The following TIPARP variants were observed in gnomAD, a reference collection of about 807,000 sequenced individuals.
TIPARP encodes protein mono-ADP-ribosyltransferase TIPARP.
TIPARP carries 12 observed loss-of-function variants against 56.5 expected under a neutral mutation model. The ratio of observed to expected loss-of-function variants is 0.21; its 90% CI spans 0.14 to 0.34. The LOEUF (loss-of-function observed/expected upper bound fraction) is 0.34. TIPARP is among the 10% of genes least tolerant of loss of function. The pLI, the probability that TIPARP is intolerant of heterozygous loss-of-function variation, is 1.00. For synonymous variants in TIPARP, 296 were observed against 265.7 expected (o/e 1.11, Z -1.11); for missense variants, 604 against 781.6 (o/e 0.77, Z 2.71).
intron 4 of TIPARP, among the ~76,000 whole-genome samples, chr3:156,698,457 C>CT (rs1468495928): frequency 6.6e-6 from 1 of 152,296 alleles, no homozygotes; most frequent in African/African-American, 2.4e-5. Flanking sequence ...CAACTGGTGA[C>CT]TTTAAGTTGA....
At position 156,694,088 on chromosome 3, in the gene TIPARP, G is replaced by A; in HGVS notation, c.986G>A (p.Arg329Gln). The A allele has an allele frequency of 6.2e-7, 1 of 1,613,308 alleles. No individual in the cohort carries two copies. Residue 329 changes from arginine to glutamine, a missense_variant, in exon 3 of 6, where the codon CGA (arginine) becomes CAA (glutamine). Around this residue, in one of 4 missense-constraint regions of TIPARP, gnomAD observed 252 missense variants for 303.9 expected, o/e 0.83. Coordinates refer to ENST00000295924, the MANE Select transcript of TIPARP (RefSeq NM_015508.5). ...VYETTEFDQL[R>Q]RLSTPPSSNV... ...GAAACAACTGAATTTGACCAACTAC[G>A]AAGGCTGTCCACACCACCCTCTAGC...
chr3:156,695,729 G>A (rs1722695759), intron 3 of TIPARP, 136 bp from the exon 4 acceptor site: 7 of 1,212,594 alleles, frequency 5.8e-6, no homozygotes, highest in South Asian at 1.8e-5. Context: ...AGCATATAAA[G>A]GGAGTTATTT....
Position 156,678,523 on chromosome 3 carries a change from C to T in TIPARP, c.826C>T (p.Gln276Ter). ...YHWQIKRTTT[Q>*]KWQSVFNDSQ... is the part of the protein sequence containing the mutation. ...TTGGCAGATCAAAAGGACAACTACT[C>T]AAAAGTGGCAGAGTGTATTCAATGA... The change falls in exon 2 of 6, where the codon CAA becomes TAA. Residue 276 changes from glutamine (Q) to a stop codon, truncating the protein, a stop_gained. Coordinates refer to ENST00000295924, the MANE Select transcript of TIPARP (RefSeq NM_015508.5). LOFTEE classifies it high-confidence loss of function. 6.2e-7 allele frequency: 1 copy of T among 1,614,134 alleles called. No homozygotes were observed. Among genetic ancestry groups the T allele is most frequent in the Non-Finnish European group, 8.5e-7 (1 of 1,180,016 alleles).
At chr3:156,704,623 A>T in intron 5 of TIPARP, 61 bp from the exon 6 acceptor site, 1 of 1,521,902 alleles carries the variant, frequency 6.6e-7, no homozygotes, top group Non-Finnish European at 8.9e-7. Flanking sequence ...TGACTACATC[A>T]TGCCTGTTAA....
chr3:156,705,577 TC>T lies in TIPARP; in HGVS notation c.*449del, dbSNP rs906594524. On this transcript the variant is annotated 3_prime_UTR_variant, in exon 6 of 6. Coordinates refer to ENST00000295924, the MANE Select transcript of TIPARP (RefSeq NM_015508.5). ...CTGGAACTAGTACTACCATGCGTATTCCCTGTCCAAAGCATCACTGCTTTGG... is the reference window on the plus strand; with the variant it reads ...CTGGAACTAGTACTACCATGCGTATTCCTGTCCAAAGCATCACTGCTTTGG... 3 of 156,644 alleles carry T rather than the reference TC, an allele frequency of 1.9e-5. No homozygotes were observed. The highest frequency in any genetic ancestry group is 7.2e-5 in the African/African-American group (3 of 41,476). 9.7% of individuals were successfully genotyped at this position (156,644 alleles called of 1,614,324 possible). A position where few individuals can be genotyped will look rare whatever the true frequency, so the allele number is the denominator to read the frequency against.
rs1385311319 is a variant in TIPARP at position 156,705,459 on chromosome 3, G to A, written c.*328G>A. 5.7e-6 allele frequency: 1 copy of A among 176,350 alleles called. No individual in the cohort carries two copies. The highest frequency in any genetic ancestry group is 1.2e-5 in the Non-Finnish European group (1 of 82,802). 10.9% of individuals were successfully genotyped at this position (176,350 alleles called of 1,614,324 possible). ...AAAAACTGAACAGCCTAATTTAAAT[G>A]TGGCTTGGGCCTGGTAGAAGTTTGA... On this transcript the variant is annotated 3_prime_UTR_variant, in exon 6 of 6. Transcript: ENST00000295924.
At chr3:156,703,838 C>G (rs185347349) in intron 5 of TIPARP, 136 bp downstream of exon 5, 1 of 888,858 alleles carries the variant, frequency 1.1e-6, no homozygotes, top group African/African-American at 1.7e-5. Flanking sequence ...ACGGTGAAAC[C>G]CCGTCTCTAC....
At position 156,703,713 on chromosome 3, in the gene TIPARP, T is replaced by A. The variant is rs1042154755; in HGVS notation, c.1526+11T>A. 10 of 1,603,538 alleles carry A rather than the reference T, an allele frequency of 6.2e-6. No individual in the cohort carries two copies. Among genetic ancestry groups the A allele is most frequent in the African/African-American group, 1.3e-5 (1 of 74,686 alleles). ...GGAGAAATATAAAAGGTGAGTCAGATGTATGAAAAGTTCAAGACGGCCGGG... is the reference window on the plus strand; with the variant it reads ...GGAGAAATATAAAAGGTGAGTCAGAAGTATGAAAAGTTCAAGACGGCCGGG... On this transcript the variant is annotated intron_variant, in intron 5 of 5. Coordinates refer to ENST00000295924, the MANE Select transcript of TIPARP (RefSeq NM_015508.5).
intron 1 of TIPARP, chr3:156,675,294 T>TTCC (rs1268283694): frequency 6.6e-6 from 1 of 152,346 alleles, no homozygotes; most frequent in Non-Finnish European, 1.5e-5. Context: ...AGTCTTCGTC[T>TTCC]TCCTCCCCGC....
chr3:156,684,172 A>G (rs1007235578), intron 2 of TIPARP, among the ~76,000 whole-genome samples: 3 of 152,236 alleles, frequency 2.0e-5, no homozygotes, highest in Non-Finnish European at 4.4e-5. Context: ...AAGTTTTGAA[A>G]GAAACTCACT....
chr3:156,697,278 C>T (rs1209792299), intron 4 of TIPARP, among the ~76,000 whole-genome samples: 1 of 152,148 alleles, frequency 6.6e-6, no homozygotes, highest in African/African-American at 2.4e-5. Flanking sequence ...GTGAGACCAG[C>T]AGCTTGGCAT....
At chr3:156,676,488 G>A (rs978858403) in intron 1 of TIPARP, among the ~76,000 whole-genome samples, 2 of 152,186 alleles carry the variant, frequency 1.3e-5, no homozygotes, top group Non-Finnish European at 2.9e-5. Context: ...CATTTAATAT[G>A]TGCTTTTCTT....
Position 156,703,608 on chromosome 3 carries a change from T to C in TIPARP, c.1432T>C (p.Tyr478His). ...SAEDKSYRII[Y>H]NLFHKTVPEF... Reference sequence around the variant, plus strand: ...AGAGGATAAAAGTTATCGGATCATTTACAATCTTTTTCATAAGACTGTGCC... The same window carrying C: ...AGAGGATAAAAGTTATCGGATCATTCACAATCTTTTTCATAAGACTGTGCC... Residue 478 changes from tyrosine (Y) to histidine (H), a missense_variant, in exon 5 of 6, where the codon TAC (tyrosine) becomes CAC (histidine). By Grantham distance (83) the Tyr-to-His change is moderately conservative. This residue lies in a region of TIPARP where 252 missense variants were observed against 303.9 expected (regional missense o/e 0.83). Coordinates refer to ENST00000295924, the MANE Select transcript of TIPARP (RefSeq NM_015508.5). 6.2e-7 allele frequency: 1 copy of C among 1,614,238 alleles called. No individual in the cohort carries two copies. The highest frequency in any genetic ancestry group is 8.5e-7 in the Non-Finnish European group (1 of 1,180,038).
intron 4 of TIPARP, among the ~76,000 whole-genome samples, chr3:156,700,149 G>A (rs1358534643): frequency 1.3e-5 from 2 of 151,874 alleles, no homozygotes; most frequent in East Asian, 3.9e-4. Flanking sequence ...CTGTCGCCCA[G>A]GGTGGAGTGC....
rs755109696 is a variant in TIPARP, at chr3:156,695,939, C to T, written c.1161C>T (p.His387=). The change falls in exon 4 of 6, where the codon CAC becomes CAT. Residue 387 remains histidine, a synonymous_variant. Coordinates refer to ENST00000295924, the MANE Select transcript of TIPARP (RefSeq NM_015508.5). The part of the protein sequence containing the change: ...KEVRFMMWNN[H]YILHNSFFRR... The stretch of plus-strand genomic sequence containing the variant: ...TTCGATTTATGATGTGGAATAACCA[C>T]TACATCCTCCACAATTCATTCTTCA... 1 of 1,611,470 alleles carries T rather than the reference C, an allele frequency of 6.2e-7. No individual in the cohort carries two copies. Among genetic ancestry groups the T allele is most frequent in the East Asian group, 2.2e-5 (1 of 44,746 alleles).
chr3:156,683,655 C>G (rs1722359234), intron 2 of TIPARP, among the ~76,000 whole-genome samples: 1 of 151,988 alleles, frequency 6.6e-6, no homozygotes, highest in Admixed American at 6.6e-5. Context: ...TCCTATTATA[C>G]TAGAATTTCT....
chr3:156,677,983 A>G lies in TIPARP; in HGVS notation c.286A>G (p.Ile96Val), dbSNP rs767546856. 2.5e-6 allele frequency: 4 copies of G among 1,614,022 alleles called. No individual in the cohort carries two copies. The highest frequency in any genetic ancestry group is 3.4e-6 in the Non-Finnish European group (4 of 1,180,042). The change falls in exon 2 of 6, where the codon ATC becomes GTC. Residue 96 changes from isoleucine to valine, a missense_variant. This residue lies in a region of TIPARP where 261 missense variants were observed against 279.2 expected (regional missense o/e 0.93). Coordinates refer to ENST00000295924, the MANE Select transcript of TIPARP (RefSeq NM_015508.5). ...HEPMMKKAME[I>V]NSSCPPAENN... ...ACCTATGATGAAGAAAGCCATGGAAATCAATTCATCATGCCCACCAGCAGA... is the reference window on the plus strand; with the variant it reads ...ACCTATGATGAAGAAAGCCATGGAAGTCAATTCATCATGCCCACCAGCAGA...
At chr3:156,702,019 C>G (rs1265010760) in intron 4 of TIPARP, among the ~76,000 whole-genome samples, 2 of 98,602 alleles carry the variant, frequency 2.0e-5, no homozygotes, top group Admixed American at 1.2e-4. Context: ...GATGATAATG[C>G]GGTGGTGGTG....
intron 5 of TIPARP, among the ~76,000 whole-genome samples, chr3:156,704,227 A>G (rs1722923619): frequency 6.6e-6 from 1 of 152,184 alleles, no homozygotes; most frequent in Admixed American, 6.5e-5. Flanking sequence ...ACTTTGCTGC[A>G]GGTCATGCGG....
Sources: gnomAD v4.1 joint callset for allele counts (sites outside exome capture counted in the v4.1 genomes callset) on GRCh38, gnomAD v4.1.1 for gene constraint, gnomAD v4.1.1 regional missense constraint, MANE v1.5 for transcripts, NCBI Gene and HGNC (gene_info 2026-07-23, HGNC 2026-07-21) for gene names.